The following NCOA1 variants were observed in gnomAD, a reference collection of about 807,000 sequenced individuals.
The protein encoded by NCOA1 is nuclear receptor coactivator 1.
A neutral mutation model predicts 150.9 loss-of-function variants in NCOA1; 35 were observed. The ratio of observed to expected loss-of-function variants is 0.23; its 90% CI spans 0.18 to 0.31. NCOA1 has a LOEUF of 0.31. NCOA1 is among the 10% of genes least tolerant of loss of function. NCOA1 has a pLI of 1.00. For missense variants in NCOA1, 1,491 were observed against 1,749.3 expected (o/e 0.85, Z 2.63); for synonymous variants, 590 against 630.0 (o/e 0.94, Z 0.95).
chr2:24,650,582 G>A (rs1572542746), intron 4 of NCOA1, among the ~76,000 whole-genome samples: 1 of 152,138 alleles, frequency 6.6e-6, no homozygotes, highest in East Asian at 1.9e-4. Flanking sequence ...AAAAAGACAA[G>A]TTAAACCCAA....
At chr2:24,592,014 C>T (rs1667677854) in intron 3 of NCOA1, among the ~76,000 whole-genome samples, 1 of 152,074 alleles carries the variant, frequency 6.6e-6, no homozygotes, top group Non-Finnish European at 1.5e-5. Flanking sequence ...AGTTTATAAG[C>T]TCCATAAAAG....
chr2:24,579,103 CAT>C (rs1337174629), intron 2 of NCOA1, among the ~76,000 whole-genome samples: 1 of 151,994 alleles, frequency 6.6e-6, no homozygotes, highest in Non-Finnish European at 1.5e-5. Flanking sequence ...GAATTTAAAA[CAT>C]ACACATACAG....
At chr2:24,581,306 C>T (rs1667184193) in intron 2 of NCOA1, among the ~76,000 whole-genome samples, 1 of 152,204 alleles carries the variant, frequency 6.6e-6, no homozygotes, top group Middle Eastern at 3.2e-3. Flanking sequence ...AAGGAGGTCT[C>T]ATTATCACGT....
intron 4 of NCOA1, among the ~76,000 whole-genome samples, chr2:24,656,893 T>A (rs1670975687): frequency 6.6e-6 from 1 of 152,256 alleles, no homozygotes; most frequent in African/African-American, 2.4e-5. Context: ...TGATTTCATA[T>A]GTTGGCTTAT....
chr2:24,630,609 C>G (rs991427938), intron 3 of NCOA1, among the ~76,000 whole-genome samples: 2 of 152,186 alleles, frequency 1.3e-5, no homozygotes. Context: ...AATTCTTGCT[C>G]TGGCCACAGA....
chr2:24,510,651 A>G (rs1369970470), intron 1 of NCOA1, among the ~76,000 whole-genome samples: 9 of 151,760 alleles, frequency 5.9e-5, no homozygotes, highest in African/African-American at 2.2e-4. Flanking sequence ...TGTCTCTGGT[A>G]GTGCACTATA....
intron 6 of NCOA1, among the ~76,000 whole-genome samples, chr2:24,673,123 A>G (rs1485399063): frequency 6.6e-6 from 1 of 152,262 alleles, no homozygotes; most frequent in Non-Finnish European, 1.5e-5. Flanking sequence ...CACTGGATGT[A>G]GTATTCAAAT....
intron 3 of NCOA1, among the ~76,000 whole-genome samples, chr2:24,641,535 T>G (rs962599992): frequency 6.6e-6 from 1 of 152,146 alleles, no homozygotes; most frequent in Non-Finnish European, 1.5e-5. Context: ...TTCTTATATA[T>G]TAATCTTAAA....
At chr2:24,591,105 T>G (rs1408662498) in intron 3 of NCOA1, among the ~76,000 whole-genome samples, 2 of 152,166 alleles carry the variant, frequency 1.3e-5, no homozygotes, top group African/African-American at 4.8e-5. Context: ...AAACTTCTGG[T>G]ATAAAAAATA....
At chr2:24,530,265 A>C (rs1424560350) in intron 1 of NCOA1, among the ~76,000 whole-genome samples, 3 of 152,332 alleles carry the variant, frequency 2.0e-5, no homozygotes, top group South Asian at 4.1e-4. Context: ...TCACTGGTTT[A>C]ATAGTTAAAT....
intron 3 of NCOA1, among the ~76,000 whole-genome samples, chr2:24,639,916 GTATATATATA>G (rs67632791): frequency 0.018 from 524 of 29,676 alleles, 41 homozygotes; most frequent in South Asian, 0.034. Flanking sequence ...ATGTGTGTGT[GTATATATATA>G]TATATATATA....
intron 3 of NCOA1, among the ~76,000 whole-genome samples, chr2:24,596,536 T>C (rs1199121043): frequency 6.6e-6 from 1 of 152,176 alleles, no homozygotes; most frequent in African/African-American, 2.4e-5. Context: ...CATTTTGTAC[T>C]ATTTGATAAA....
At chr2:24,674,211 T>C (rs951559207) in intron 7 of NCOA1, among the ~76,000 whole-genome samples, 79 of 143,936 alleles carry the variant, frequency 5.5e-4, no homozygotes, top group African/African-American at 1.5e-3. Flanking sequence ...TGGGTACCCC[T>C]TTTTTTTTTT....
chr2:24,691,454 A>C, intron 8 of NCOA1, 27 bp from the exon 9 acceptor site: 1 of 1,606,326 alleles, frequency 6.2e-7, no homozygotes. Context: ...CATATTCGCA[A>C]GCACATAATC....
chr2:24,751,486 G>A (rs1020240034), intron 19 of NCOA1, among the ~76,000 whole-genome samples: 11 of 151,674 alleles, frequency 7.3e-5, no homozygotes, highest in Non-Finnish European at 1.5e-4. Context: ...GAGAGGCTGA[G>A]GCAGGAGAAT....
chr2:24,682,827 T>G, intron 7 of NCOA1, 124 bp from the exon 8 acceptor site: 3 of 739,322 alleles, frequency 4.1e-6, no homozygotes, highest in Non-Finnish European at 6.2e-6. Context: ...TATCACAATT[T>G]CCTTGAGGAC....
intron 14 of NCOA1, among the ~76,000 whole-genome samples, chr2:24,719,050 A>C (rs1282234689): frequency 6.6e-6 from 1 of 150,732 alleles, no homozygotes; most frequent in Non-Finnish European, 1.5e-5. Flanking sequence ...AAAAAAAAAA[A>C]AAAAACCCCA....
chr2:24,684,928 A>G (rs907133498), intron 8 of NCOA1, among the ~76,000 whole-genome samples: 1 of 152,154 alleles, frequency 6.6e-6, no homozygotes. Context: ...TATAGTACCT[A>G]TATTTAAACC....
chr2:24,751,592 A>G (rs1400344206), intron 19 of NCOA1, among the ~76,000 whole-genome samples: 8 of 151,908 alleles, frequency 5.3e-5, no homozygotes, highest in Non-Finnish European at 1.5e-5. Context: ...CGGGGGAAAA[A>G]AAAAAAAAGT....
Sources: gnomAD v4.1 joint callset for allele counts (sites outside exome capture counted in the v4.1 genomes callset) on GRCh38, gnomAD v4.1.1 for gene constraint, MANE v1.5 for transcripts, NCBI Gene and HGNC (gene_info 2026-07-23, HGNC 2026-07-21) for gene names.